Variants in P2RY12 observed in about 807,000 individuals in gnomAD.
P2RY12 encodes the protein purinergic receptor P2Y12, also known as P2Y purinoceptor 12.
In P2RY12, 3 loss-of-function variants were observed where a neutral mutation model predicts 4.5. That is an observed-to-expected ratio of 0.67 (90% CI 0.31 to 1.74). The LOEUF (loss-of-function observed/expected upper bound fraction) is 1.74. Among genes scored for constraint, P2RY12 ranks in the 40% most tolerant of loss-of-function variants. The probability of loss-of-function intolerance (pLI) is 0.09; values close to 1 mark genes in which losing one functional copy is unlikely to be tolerated. For synonymous variants in P2RY12, 148 were observed against 154.1 expected (o/e 0.96, Z 0.29); for missense variants, 356 against 407.8 (o/e 0.87, Z 1.09).
chr3:151,367,614 G>C (rs772642729), intron 1 of P2RY12: 1 of 1,566,282 alleles, frequency 6.4e-7, no homozygotes, highest in Non-Finnish European at 8.7e-7. Flanking sequence ...AAGGTTGTTA[G>C]GTATTAAAAC....
chr3:151,338,175 C>T lies in P2RY12; in HGVS notation c.671G>A (p.Arg224Lys). ...TTTCCTGGGGACTTTACCTACACCC[C>T]TCGTTCTTACGTATGACCGGTACAG... ...KELYRSYVRT[R>K]GVGKVPRKKV... Residue 224 changes from arginine (R) to lysine (K), a missense_variant, in exon 3 of 3, where the codon AGG becomes AAG. By Grantham distance (26) the Arg-to-Lys change is conservative. Transcript: ENST00000302632. 5.0e-6 allele frequency: 8 copies of T among 1,614,036 alleles called. No homozygotes were observed. The highest frequency in any genetic ancestry group is 6.8e-6 in the Non-Finnish European group (8 of 1,179,968).
At chr3:151,350,863 A>G (rs941723989) in intron 1 of P2RY12, among the ~76,000 whole-genome samples, 1 of 152,204 alleles carries the variant, frequency 6.6e-6, no homozygotes, top group African/African-American at 2.4e-5. Flanking sequence ...ACCACATTGC[A>G]TAATTGGAAT....
At chr3:151,364,142 A>G (rs1226085164) in intron 1 of P2RY12, among the ~76,000 whole-genome samples, 1 of 152,226 alleles carries the variant, frequency 6.6e-6, no homozygotes, top group African/African-American at 2.4e-5. Flanking sequence ...TGCTACCTAC[A>G]GAAGGTAAGC....
At chr3:151,355,280 TAATTTACTTAA>T in intron 1 of P2RY12, 1 of 1,414,944 alleles carries the variant, frequency 7.1e-7, no homozygotes, top group Non-Finnish European at 9.8e-7. Context: ...TGCAGTATTC[TAATTTACTTAA>T]AAATTTTTTT....
chr3:151,349,280 G>A (rs1437772798), intron 1 of P2RY12, among the ~76,000 whole-genome samples: 1 of 152,168 alleles, frequency 6.6e-6, no homozygotes, highest in African/African-American at 2.4e-5. Context: ...GATTCACTGT[G>A]CCTATGGGGT....
chr3:151,382,637 GT>G (rs769187451), intron 1 of P2RY12: 10 of 1,591,370 alleles, frequency 6.3e-6, no homozygotes, highest in East Asian at 2.3e-5. Flanking sequence ...TTAATGGGGA[GT>G]TTTTTTCCGG....
At position 151,350,284 on chromosome 3, in the gene P2RY12, C is replaced by G. The variant is rs573808295; in HGVS notation, c.-179-9524G>C. On this transcript the variant is annotated intron_variant, in intron 1 of 2. Transcript: ENST00000302632. ...TGAGCACAGTCTTTATCAAAGTGTT[C>G]TATGTCACTGTCAACAGAGCGTTTC... 4.1e-4 allele frequency: 581 copies of G among 1,411,734 alleles called. 2 individuals carry two copies. Among genetic ancestry groups the G allele is most frequent in the Non-Finnish European group, 5.4e-4 (552 of 1,026,654 alleles). 87.5% of individuals were successfully genotyped at this position (1,411,734 alleles called of 1,614,324 possible). A position where few individuals can be genotyped will look rare whatever the true frequency, so the allele number is the denominator to read the frequency against.
chr3:151,345,872 A>G (rs6767192), intron 1 of P2RY12, among the ~76,000 whole-genome samples: 60,114 of 151,898 alleles, frequency 0.4, 12,176 homozygotes, highest in African/African-American at 0.47. Context: ...GGCTCTTGAA[A>G]AATAGTAGCT....
intron 1 of P2RY12, chr3:151,384,313 T>C: frequency 1.6e-6 from 2 of 1,240,134 alleles, no homozygotes; most frequent in Non-Finnish European, 2.2e-6. Flanking sequence ...TGTTATTAAT[T>C]GTATTCAACT....
chr3:151,354,689 G>C (rs1299773321), intron 1 of P2RY12, among the ~76,000 whole-genome samples: 1 of 152,154 alleles, frequency 6.6e-6, no homozygotes, highest in African/African-American at 2.4e-5. Flanking sequence ...GTAAATGGTG[G>C]TACAGTAACA....
At chr3:151,369,366 T>G (rs1396407951) in intron 1 of P2RY12, 1 of 1,059,248 alleles carries the variant, frequency 9.4e-7, no homozygotes, top group African/African-American at 1.6e-5. Context: ...AAAGGCTGAC[T>G]GCCTGTAAAT....
chr3:151,367,531 G>A (rs1755433937), intron 1 of P2RY12: 1 of 878,364 alleles, frequency 1.1e-6, no homozygotes. Flanking sequence ...CCCTCTGCTG[G>A]TTCATGTTGG....
intron 1 of P2RY12, among the ~76,000 whole-genome samples, chr3:151,362,484 C>T (rs968756766): frequency 6.6e-6 from 1 of 151,964 alleles, no homozygotes; most frequent in African/African-American, 2.4e-5. Flanking sequence ...TACTTGTGTG[C>T]CCCACTCCCA....
At chr3:151,364,786 T>C (rs866971219) in intron 1 of P2RY12, among the ~76,000 whole-genome samples, 8 of 152,182 alleles carry the variant, frequency 5.3e-5, no homozygotes, top group Non-Finnish European at 8.8e-5. Flanking sequence ...AAATTATTTA[T>C]TGAGGAATTT....
chr3:151,338,684 C>T lies in P2RY12; in HGVS notation c.162G>A (p.Arg54=), dbSNP rs781350611. The T allele has an allele frequency of 1.2e-6, 2 of 1,613,488 alleles. No individual in the cohort carries two copies. The highest frequency in any genetic ancestry group is 2.7e-5 in the African/African-American group (2 of 74,786). Residue 54 remains arginine (R), a synonymous_variant, in exon 3 of 3, where the codon CGG becomes CGA. Transcript: ENST00000302632. ...GLAMRIFFQI[R]SKSNFIIFLK... ...GAAAAATAATAAAGTTTGATTTACT[C>T]CGGATTTGAAAGAAAATCCTCATCG...
chr3:151,355,071 G>A (rs532506798), intron 1 of P2RY12: 17 of 1,369,108 alleles, frequency 1.2e-5, no homozygotes, highest in African/African-American at 7.2e-5. Context: ...TAAAAATGTC[G>A]AGAGCTTCTA....
chr3:151,352,321 C>A lies in P2RY12; in HGVS notation c.-179-11561G>T, dbSNP rs188674809. Among the ~76,000 whole-genome samples the A allele has an allele frequency of 4.8e-3, 736 of 152,252 alleles. 5 individuals carry two copies. Among genetic ancestry groups the A allele is most frequent in the African/African-American group, 0.017 (713 of 41,548 alleles). ...GGATTCTCAGAATAGGGATCCTCAA[C>A]CTTTTTCAGTAAATAGAAACATCAT... On this transcript the variant is annotated intron_variant, in intron 1 of 2. Transcript: ENST00000302632.
At chr3:151,352,305 G>A (rs904724505) in intron 1 of P2RY12, among the ~76,000 whole-genome samples, 1 of 152,148 alleles carries the variant, frequency 6.6e-6, no homozygotes, top group Non-Finnish European at 1.5e-5. Flanking sequence ...TGGATTCTCA[G>A]AATAGGGATC....
At chr3:151,355,446 C>T (rs1172987727) in intron 1 of P2RY12, among the ~76,000 whole-genome samples, 1 of 151,886 alleles carries the variant, frequency 6.6e-6, no homozygotes, top group East Asian at 1.9e-4. Flanking sequence ...CTTTTTTTGT[C>T]CTTATGATAA....
Sources: gnomAD v4.1 joint callset for allele counts (sites outside exome capture counted in the v4.1 genomes callset) on GRCh38, gnomAD v4.1.1 for gene constraint, MANE v1.5 for transcripts, NCBI Gene and HGNC (gene_info 2026-07-23, HGNC 2026-07-21) for gene names.